The following CRACD variants were observed in gnomAD, a reference collection of about 807,000 sequenced individuals.
CRACD encodes the protein capping protein inhibiting regulator of actin dynamics, also known as capping protein-inhibiting regulator of actin dynamics.
CRACD carries 56 observed loss-of-function variants against 106.8 expected under a neutral mutation model. That is an observed-to-expected ratio of 0.52 (90% CI 0.42 to 0.66). CRACD has a LOEUF of 0.66. Among genes scored for constraint, CRACD ranks in the 30% least tolerant of loss-of-function variants. The pLI, the probability that CRACD is intolerant of heterozygous loss-of-function variation, is 0.00. For synonymous variants in CRACD, 754 were observed against 670.8 expected (o/e 1.12, Z -1.92); for missense variants, 1,730 against 1,623.2 (o/e 1.07, Z -1.13).
chr4:56,050,306 G>C (rs1731833441), intron 1 of CRACD, among the ~76,000 whole-genome samples: 1 of 144,594 alleles, frequency 6.9e-6, no homozygotes, highest in Non-Finnish European at 1.5e-5. Flanking sequence ...GTGTGTGTGT[G>C]TGTGTGTGTA....
intron 1 of CRACD, among the ~76,000 whole-genome samples, chr4:56,156,290 A>AC (rs1735761296): frequency 6.6e-6 from 1 of 152,158 alleles, no homozygotes; most frequent in Non-Finnish European, 1.5e-5. Flanking sequence ...AGTCCCACTC[A>AC]CTGTCTTCAA....
chr4:56,188,631 C>G (rs1324242336), intron 2 of CRACD, among the ~76,000 whole-genome samples: 1 of 146,312 alleles, frequency 6.8e-6, no homozygotes, highest in Non-Finnish European at 1.5e-5. Flanking sequence ...GCCTCTCTCT[C>G]TCTCTCTCTC....
chr4:56,308,999 C>A (rs1426566229), intron 5 of CRACD: 3 of 753,450 alleles, frequency 4.0e-6, no homozygotes, highest in Admixed American at 2.3e-5. Flanking sequence ...AGTTTACACC[C>A]TAATGAGAGG....
At chr4:56,146,684 G>T (rs1425647445) in intron 1 of CRACD, among the ~76,000 whole-genome samples, 1 of 150,444 alleles carries the variant, frequency 6.6e-6, no homozygotes, top group East Asian at 2.0e-4. Context: ...ATTTGACAAT[G>T]ATATATTTGT....
Position 56,153,487 on chromosome 4 carries a change from C to G in CRACD, c.-335-25797C>G, listed in dbSNP as rs368922704. On this transcript the variant is annotated intron_variant, in intron 1 of 10. Transcript: ENST00000682029. ...CTCCGAGATGTGGTGTATGTCTTCA[C>G]GCTTCTCTCCAAATCCTCTTGGCTG... 1.6e-4 allele frequency among the ~76,000 whole-genome samples: 25 copies of G among 152,258 alleles called. No homozygotes were observed. The East Asian group carries it at 4.6e-3, about 28-fold the overall frequency.
At chr4:56,232,117 G>A (rs185749490) in intron 2 of CRACD, among the ~76,000 whole-genome samples, 16 of 152,088 alleles carry the variant, frequency 1.1e-4, no homozygotes, top group Middle Eastern at 3.2e-3. Flanking sequence ...TTATCGCTTC[G>A]TGTTTCTGCT....
At chr4:56,313,486 C>G in intron 7 of CRACD, 107 bp downstream of exon 7, 2 of 884,200 alleles carry the variant, frequency 2.3e-6, no homozygotes, top group Non-Finnish European at 3.4e-6. Context: ...ACCTGAGAGT[C>G]TCCCCATCGG....
intron 2 of CRACD, among the ~76,000 whole-genome samples, chr4:56,259,123 T>TTAAGGGTA (rs1741544409): frequency 6.6e-6 from 1 of 152,158 alleles, no homozygotes; most frequent in Non-Finnish European, 1.5e-5. Context: ...GGGTACTGCT[T>TTAAGGGTA]CACTTTTGGG....
At chr4:56,287,087 G>C (rs12152661) in intron 3 of CRACD, among the ~76,000 whole-genome samples, 45,361 of 151,992 alleles carry the variant, frequency 0.3, 7,866 homozygotes, top group East Asian at 0.64. Context: ...TGCTGCCAAA[G>C]TGAGCCTGAC....
intron 1 of CRACD, among the ~76,000 whole-genome samples, chr4:56,077,497 C>T (rs1056937721): frequency 1.3e-5 from 2 of 152,182 alleles, no homozygotes; most frequent in Admixed American, 1.3e-4. Context: ...TTTAATGCTG[C>T]CTACCAAAAG....
At chr4:56,182,906 G>GTGTGTGTGTGTGTGTGT (rs1736900486) in intron 2 of CRACD, among the ~76,000 whole-genome samples, 1 of 110,558 alleles carries the variant, frequency 9.0e-6, no homozygotes, top group Admixed American at 9.6e-5. Context: ...TGTGTGTATG[G>GTGTGTGTGTGTGTGTGT]CTCCCTGATT....
chr4:56,069,368 T>C (rs780932153), intron 1 of CRACD, among the ~76,000 whole-genome samples: 1 of 152,160 alleles, frequency 6.6e-6, no homozygotes, highest in African/African-American at 2.4e-5. Context: ...GTCTTTAGTT[T>C]AGAGATGGTG....
intron 3 of CRACD, among the ~76,000 whole-genome samples, chr4:56,287,652 C>G (rs1743448703): frequency 6.6e-6 from 1 of 152,096 alleles, no homozygotes; most frequent in Non-Finnish European, 1.5e-5. Flanking sequence ...ATCTTGAACT[C>G]CTGGGTTCAA....
In CRACD at chr4:56,136,126, A is replaced by G. The variant is rs149855343; in HGVS notation, c.-335-43158A>G. Reference sequence around the variant, plus strand: ...GTTTGTTCCTTTTAATTAGAGTAATATTCTATTATATGGCTATACCATTTT... The same window carrying G: ...GTTTGTTCCTTTTAATTAGAGTAATGTTCTATTATATGGCTATACCATTTT... On this transcript the variant is annotated intron_variant, in intron 1 of 10. Transcript: ENST00000682029. 9.2e-5 allele frequency among the ~76,000 whole-genome samples: 14 copies of G among 152,018 alleles called. No individual in the cohort carries two copies. The East Asian group carries it at 2.7e-3, about 29-fold the overall frequency.
At chr4:56,260,458 T>C (rs752275396) in intron 2 of CRACD, among the ~76,000 whole-genome samples, 1 of 152,228 alleles carries the variant, frequency 6.6e-6, no homozygotes, top group African/African-American at 2.4e-5. Context: ...GACATGTGTA[T>C]AGATGCCAAG....
At chr4:56,159,751 A>AAAAATATT (rs1304097433) in intron 1 of CRACD, among the ~76,000 whole-genome samples, 2 of 152,198 alleles carry the variant, frequency 1.3e-5, no homozygotes, top group South Asian at 4.1e-4. Flanking sequence ...CCTTGAGTTA[A>AAAAATATT]AAAATATTAA....
chr4:56,127,391 G>A (rs902368408), intron 1 of CRACD, among the ~76,000 whole-genome samples: 9 of 152,212 alleles, frequency 5.9e-5, no homozygotes, highest in African/African-American at 1.9e-4. Context: ...AGAAAGAATA[G>A]CCTGTAGAGG....
chr4:56,283,836 T>C (rs979816893), intron 3 of CRACD, among the ~76,000 whole-genome samples: 1 of 152,204 alleles, frequency 6.6e-6, no homozygotes, highest in Non-Finnish European at 1.5e-5. Flanking sequence ...GACTGGTAAC[T>C]GACACATGTA....
At position 56,173,287 on chromosome 4, in the gene CRACD, T is replaced by C. The variant is rs113418905; in HGVS notation, c.-335-5997T>C. ...TTCAAAACATGCATTGCCTCATTCT[T>C]GCTGATTTTGTTCCTGTATTTGAAA... On this transcript the variant is annotated intron_variant, in intron 1 of 10. Transcript: ENST00000682029. Among the ~76,000 whole-genome samples, 1,516 of 152,358 alleles carry C rather than the reference T, an allele frequency of 1.0e-2. 19 individuals carry two copies. Among genetic ancestry groups the C allele is most frequent in the Admixed American group, 0.019 (292 of 15,308 alleles).
Sources: allele counts gnomAD v4.1 joint callset (sites outside exome capture counted in the v4.1 genomes callset), GRCh38; gene constraint gnomAD v4.1.1; transcripts MANE v1.5; gene names NCBI Gene and HGNC (gene_info 2026-07-23, HGNC 2026-07-21).